Variants in KDM5B observed in about 807,000 individuals in gnomAD.
The protein encoded by KDM5B is lysine demethylase 5B.
In KDM5B, 144 loss-of-function variants were observed where a neutral mutation model predicts 193.4. The ratio of observed to expected loss-of-function variants is 0.74; its 90% CI spans 0.65 to 0.86. The LOEUF (loss-of-function observed/expected upper bound fraction) is 0.86. Among genes scored for constraint, KDM5B ranks in the 40% least tolerant of loss-of-function variants. The probability of loss-of-function intolerance (pLI) is 0.00; values close to 1 mark genes in which losing one functional copy is unlikely to be tolerated. For synonymous variants in KDM5B, 668 were observed against 682.6 expected, an observed-to-expected ratio of 0.98 and a Z score of 0.33; for missense variants, 1,833 against 1,886.9, an observed-to-expected ratio of 0.97 and a Z score of 0.53.
chr1:202,797,546 T>C (rs965996417), intron 1 of KDM5B, among the ~76,000 whole-genome samples: 3 of 152,174 alleles, frequency 2.0e-5, no homozygotes, highest in Non-Finnish European at 2.9e-5. Context: ...TCTTAAAAGA[T>C]CTAGGTAAAC....
chr1:202,760,534 C>G lies in KDM5B; in HGVS notation c.958G>C (p.Asp320His), dbSNP rs1264779837. Reference protein sequence around the residue: ...YVCLLCGSGNDEDRLLLCDGC... With the variant: ...YVCLLCGSGNHEDRLLLCDGC... Reference sequence around the variant, plus strand: ...TCACACAACAGTAGCCGGTCTTCATCATTGCCACTGCCACATAAAAGACAG... The same window carrying G: ...TCACACAACAGTAGCCGGTCTTCATGATTGCCACTGCCACATAAAAGACAG... The change falls in exon 8 of 27, where the codon GAT becomes CAT. Residue 320 changes from aspartate (D) to histidine (H), a missense_variant. Coordinates refer to ENST00000367265, the MANE Select transcript of KDM5B (RefSeq NM_006618.5). The G allele has an allele frequency of 6.2e-7, 1 of 1,613,002 alleles. No individual in the cohort carries two copies. Among genetic ancestry groups the G allele is most frequent in the Non-Finnish European group, 8.5e-7 (1 of 1,179,546 alleles).
At position 202,750,788 on chromosome 1, in the gene KDM5B, C is replaced by T; in HGVS notation, c.1702-10G>A. 1 of 1,609,806 alleles carries T rather than the reference C, an allele frequency of 6.2e-7. No individual in the cohort carries two copies. The highest frequency in any genetic ancestry group is 8.5e-7 in the Non-Finnish European group (1 of 1,177,916). ...GATTAGTTCGGTAAACCTAAAGAGA[C>T]AGAAATTGAAGATTTTTGAGTTTCT... On this transcript the variant is annotated splice_polypyrimidine_tract_variant and intron_variant, in intron 12 of 26. Transcript: ENST00000367265.
intron 1 of KDM5B, among the ~76,000 whole-genome samples, chr1:202,790,872 C>A (rs1657617435): frequency 1.3e-5 from 2 of 152,076 alleles, no homozygotes; most frequent in Admixed American, 6.5e-5. Flanking sequence ...CCTGACAGTG[C>A]CTTGATCTTA....
chr1:202,782,099 A>G (rs1274935498), intron 1 of KDM5B, among the ~76,000 whole-genome samples: 2 of 152,196 alleles, frequency 1.3e-5, no homozygotes, highest in East Asian at 3.8e-4. Context: ...AAGGATGCTC[A>G]TACAGTGGGT....
chr1:202,808,371 G>T lies in KDM5B; in HGVS notation c.-66C>A. On this transcript the variant is annotated 5_prime_UTR_variant, in exon 1 of 27. Transcript: ENST00000367265. ...GGACCGAGGCTGCGAGCTCCGCTCG[G>T]TCCGAGACCCGTGCAGACGCGGCTC... 7.1e-7 allele frequency: 1 copy of T among 1,414,250 alleles called. No homozygotes were observed. Among genetic ancestry groups the T allele is most frequent in the Non-Finnish European group, 9.4e-7 (1 of 1,065,146 alleles). The allele number at this position is 1,414,250 out of a possible 1,614,324, so 87.6% of individuals were successfully genotyped here.
At chr1:202,774,959 C>T (rs112228798) in intron 2 of KDM5B, among the ~76,000 whole-genome samples, 47 of 152,058 alleles carry the variant, frequency 3.1e-4, no homozygotes, top group African/African-American at 1.1e-3. Flanking sequence ...TATACATGGC[C>T]GGCCGGGCAC....
intron 12 of KDM5B, among the ~76,000 whole-genome samples, chr1:202,752,415 T>C (rs545011122): frequency 6.6e-6 from 1 of 152,300 alleles, no homozygotes; most frequent in Non-Finnish European, 1.5e-5. Flanking sequence ...AGCCTAGGTG[T>C]GTAGTTGGCT....
At chr1:202,777,144 T>A in intron 1 of KDM5B, 50 bp from the exon 2 acceptor site, 1 of 1,409,740 alleles carries the variant, frequency 7.1e-7, no homozygotes, top group Non-Finnish European at 1.0e-6. Flanking sequence ...GCATTTGACA[T>A]TCAAAAATTT....
Position 202,746,146 on chromosome 1 carries a change from A to T in KDM5B, c.2194T>A (p.Leu732Met). ...AAAATCGTTCTTCCTACTTACCGCA[A>T]TTTATATTTGTAAGGAGGACAGGAA... ...LCSCPPYKYK[L>M]RYRYTLDDLY... Residue 732 changes from leucine (L) to methionine (M), a missense_variant, in exon 15 of 27, where the codon TTG (leucine) becomes ATG (methionine). Leu to Met is a conservative substitution (Grantham distance 15). This residue lies in a region of KDM5B where 1,379 missense variants were observed against 1,349.6 expected (regional missense o/e 1.02). Coordinates refer to ENST00000367265, the MANE Select transcript of KDM5B (RefSeq NM_006618.5). The T allele has an allele frequency of 1.2e-6, 2 of 1,605,392 alleles. No individual in the cohort carries two copies. The highest frequency in any genetic ancestry group is 1.7e-6 in the Non-Finnish European group (2 of 1,176,692).
chr1:202,745,269 G>C (rs12035690), intron 16 of KDM5B, among the ~76,000 whole-genome samples: 1 of 152,046 alleles, frequency 6.6e-6, no homozygotes, highest in Non-Finnish European at 1.5e-5. Context: ...TACAACAAAC[G>C]CCCATGACAC....
At chr1:202,735,622 A>T (rs1271834508) in intron 21 of KDM5B, 35 bp from the exon 22 acceptor site, 1 of 1,591,694 alleles carries the variant, frequency 6.3e-7, no homozygotes, top group African/African-American at 1.3e-5. Context: ...ATGGTAAAAT[A>T]AATTTCAGAT....
At chr1:202,749,163 A>G (rs768582724) in intron 13 of KDM5B, 24 bp from the exon 14 acceptor site, 1 of 1,589,352 alleles carries the variant, frequency 6.3e-7, no homozygotes. Context: ...CGGAAAGAAA[A>G]AAATAACATT....
Position 202,726,824 on chromosome 1 carries a change from G to GT in KDM5B, c.*2211dup, listed in dbSNP as rs1654690029. On this transcript the variant is annotated 3_prime_UTR_variant, in exon 27 of 27. Coordinates refer to ENST00000367265, the MANE Select transcript of KDM5B (RefSeq NM_006618.5). ...CATTAGTAGTGTGATGGTGTACAAGGTAGGAGGAATACTGTAGGAAAACTG... is the reference window on the plus strand; with the variant it reads ...CATTAGTAGTGTGATGGTGTACAAGGTTAGGAGGAATACTGTAGGAAAACTG... 1 of 152,234 alleles carries GT rather than the reference G, an allele frequency of 6.6e-6. No individual in the cohort carries two copies. Among genetic ancestry groups the GT allele is most frequent in the African/African-American group, 2.4e-5 (1 of 41,452 alleles). The allele number at this position is 152,234 out of a possible 1,614,324, so 9.4% of individuals were successfully genotyped here.
intron 1 of KDM5B, among the ~76,000 whole-genome samples, chr1:202,801,805 A>T (rs955289816): frequency 2.0e-5 from 3 of 152,174 alleles, no homozygotes; most frequent in Admixed American, 6.5e-5. Context: ...CAAACTTTAA[A>T]TAATCAAAAG....
rs184876348 is a variant in KDM5B at position 202,767,129 on chromosome 1, A to G, written c.577-69T>C. On this transcript the variant is annotated intron_variant, in intron 4 of 26. Transcript: ENST00000367265. The stretch of plus-strand genomic sequence containing the variant: ...TCACATCATAAGTTTATTGACAAAC[A>G]TATCTAGCATGCCACATGAGTTCGA... 981 of 1,596,194 alleles carry G rather than the reference A, an allele frequency of 6.1e-4. 1 individual carries two copies. The highest frequency in any genetic ancestry group is 6.2e-4 in the Non-Finnish European group (724 of 1,168,090).
In KDM5B at chr1:202,749,101, C is replaced by T. The variant is rs1212136371; in HGVS notation, c.1860G>A (p.Leu620=). The T allele has an allele frequency of 2.5e-6, 4 of 1,613,842 alleles. No individual in the cohort carries two copies. Among genetic ancestry groups the T allele is most frequent in the Non-Finnish European group, 3.4e-6 (4 of 1,179,952 alleles). ...GGGAAAACACACAATATCGATGAAG[C>T]AAGCGATAATGCTCCACACACTGTC... ...LGRQCVEHYR[L]LHRYCVFSHD... The change falls in exon 14 of 27, where the codon TTG becomes TTA. Residue 620 remains leucine, a synonymous_variant. Coordinates refer to ENST00000367265, the MANE Select transcript of KDM5B (RefSeq NM_006618.5).
chr1:202,783,216 G>A (rs1458609844), intron 1 of KDM5B, among the ~76,000 whole-genome samples: 1 of 152,082 alleles, frequency 6.6e-6, no homozygotes, highest in Non-Finnish European at 1.5e-5. Flanking sequence ...GGCAGTGAGT[G>A]GAGATTGCGC....
intron 3 of KDM5B, 52 bp downstream of exon 3, chr1:202,774,561 T>C: frequency 1.3e-6 from 2 of 1,538,090 alleles, no homozygotes; most frequent in South Asian, 2.3e-5. Context: ...AAGATCAAAT[T>C]CATTCTGTCA....
chr1:202,748,686 T>C (rs954744464), intron 14 of KDM5B, among the ~76,000 whole-genome samples: 10 of 152,198 alleles, frequency 6.6e-5, no homozygotes, highest in East Asian at 3.9e-4. Context: ...CTGGGCAACA[T>C]AGTGAGACCC....
Sources: gnomAD v4.1 joint callset for allele counts (sites outside exome capture counted in the v4.1 genomes callset) on GRCh38, gnomAD v4.1.1 for gene constraint, gnomAD v4.1.1 regional missense constraint, MANE v1.5 for transcripts, NCBI Gene and HGNC (gene_info 2026-07-23, HGNC 2026-07-21) for gene names.